TOM1L2: variants seen among roughly 807,000 people sequenced by gnomAD.
TOM1L2 encodes the protein target of myb1 like 2 membrane trafficking protein.
Under a neutral mutation model 67.9 loss-of-function variants are expected in TOM1L2, and 31 were observed. The observed-to-expected ratio is 0.46, with a 90% CI of 0.34 to 0.62. The LOEUF (loss-of-function observed/expected upper bound fraction) is 0.62. Among genes scored for constraint, TOM1L2 ranks in the 20% least tolerant of loss-of-function variants. The pLI, the probability that TOM1L2 is intolerant of heterozygous loss-of-function variation, is 0.01. For synonymous variants in TOM1L2, 256 were observed against 254.0 expected, an observed-to-expected ratio of 1.01 and a Z score of -0.07; for missense variants, 606 against 663.5, an observed-to-expected ratio of 0.91 and a Z score of 0.95.
intron 1 of TOM1L2, among the ~76,000 whole-genome samples, chr17:17,909,443 A>T (rs2039244065): frequency 6.6e-6 from 1 of 152,188 alleles, no homozygotes; most frequent in Non-Finnish European, 1.5e-5. Flanking sequence ...TATTGCATGC[A>T]CAATATGGCT....
chr17:17,927,615 G>T (rs929489034), intron 1 of TOM1L2, among the ~76,000 whole-genome samples: 1 of 151,956 alleles, frequency 6.6e-6, no homozygotes, highest in Admixed American at 6.6e-5. Context: ...ATGATATTAA[G>T]GATTATGATT....
At chr17:17,919,887 T>A (rs2039784832) in intron 1 of TOM1L2, among the ~76,000 whole-genome samples, 1 of 152,122 alleles carries the variant, frequency 6.6e-6, no homozygotes, top group Non-Finnish European at 1.5e-5. Context: ...AGGTTCTCTC[T>A]CTCTAATAGG....
chr17:17,870,294 C>T (rs544741493), intron 7 of TOM1L2, among the ~76,000 whole-genome samples: 1 of 152,296 alleles, frequency 6.6e-6, no homozygotes, highest in South Asian at 2.1e-4. Flanking sequence ...ACTTTATGGC[C>T]TGGCTTCCAT....
chr17:17,933,658 T>A lies in TOM1L2; in HGVS notation c.53-26127A>T, dbSNP rs2040415424. Among the ~76,000 whole-genome samples, 4 of 152,152 alleles carry A rather than the reference T, an allele frequency of 2.6e-5. No individual in the cohort carries two copies. In the South Asian group the frequency reaches 8.3e-4, roughly 32 times the overall value. On this transcript the variant is annotated intron_variant, in intron 1 of 14. Coordinates refer to ENST00000379504, the MANE Select transcript of TOM1L2 (RefSeq NM_001082968.2). ...CTTATGCAGAGGTCTAGATCTGGCT[T>A]TAAAATGTTTAGCCTGGTGGAGCCA... is the stretch of plus-strand genomic sequence containing the variant.
chr17:17,944,999 G>A (rs780839066), intron 1 of TOM1L2, among the ~76,000 whole-genome samples: 14 of 152,116 alleles, frequency 9.2e-5, no homozygotes, highest in Admixed American at 3.3e-4. Context: ...CACTGCCGCC[G>A]CCACACTAAT....
intron 1 of TOM1L2, among the ~76,000 whole-genome samples, chr17:17,909,322 C>T (rs2039238473): frequency 6.6e-6 from 1 of 151,966 alleles, no homozygotes; most frequent in East Asian, 1.9e-4. Context: ...CAGCAATAGT[C>T]ACAAGAGCCA....
At chr17:17,856,976 G>A (rs1203289377) in intron 12 of TOM1L2, among the ~76,000 whole-genome samples, 3 of 152,102 alleles carry the variant, frequency 2.0e-5, no homozygotes, top group Admixed American at 6.5e-5. Context: ...ATTTTTTTGA[G>A]AGGGAGTCTC....
At chr17:17,966,456 G>A (rs2041874980) in intron 1 of TOM1L2, among the ~76,000 whole-genome samples, 4 of 152,190 alleles carry the variant, frequency 2.6e-5, no homozygotes, top group African/African-American at 7.2e-5. Context: ...TACAGTTCTC[G>A]AAGTGAACCA....
chr17:17,866,542 A>G (rs1728844912), intron 9 of TOM1L2, 123 bp from the exon 10 acceptor site: 2 of 1,304,526 alleles, frequency 1.5e-6, no homozygotes, highest in Non-Finnish European at 2.0e-6. Flanking sequence ...CTAGTACAGA[A>G]GCAAGGCCAC....
At chr17:17,872,284 C>T (rs1254132875) in intron 7 of TOM1L2, among the ~76,000 whole-genome samples, 2 of 152,212 alleles carry the variant, frequency 1.3e-5, no homozygotes, top group African/African-American at 4.8e-5. Context: ...ACATAGATCA[C>T]GTGAAGGATT....
At chr17:17,947,894 T>C (rs1804680078) in intron 1 of TOM1L2, among the ~76,000 whole-genome samples, 1 of 152,224 alleles carries the variant, frequency 6.6e-6, no homozygotes, top group Non-Finnish European at 1.5e-5. Flanking sequence ...AGAAAAATCT[T>C]TGTTCTATTT....
At chr17:17,848,698 T>C in intron 14 of TOM1L2, 125 bp downstream of exon 14, 1 of 1,053,524 alleles carries the variant, frequency 9.5e-7, no homozygotes. Context: ...GTGAAGCCCA[T>C]GGCTCAGGGC....
chr17:17,889,339 C>T (rs967149953), intron 4 of TOM1L2, among the ~76,000 whole-genome samples: 7 of 152,164 alleles, frequency 4.6e-5, no homozygotes, highest in African/African-American at 1.2e-4. Flanking sequence ...ACCATGCCTG[C>T]GAATGGCACT....
At chr17:17,900,014 C>G (rs562533745) in intron 2 of TOM1L2, among the ~76,000 whole-genome samples, 10 of 152,248 alleles carry the variant, frequency 6.6e-5, no homozygotes, top group African/African-American at 2.4e-4. Context: ...GAGTTTGAGA[C>G]CAGCCTGGCC....
At chr17:17,903,534 A>AGAATGG (rs1295089844) in intron 2 of TOM1L2, among the ~76,000 whole-genome samples, 2 of 147,934 alleles carry the variant, frequency 1.4e-5, no homozygotes, top group Admixed American at 1.4e-4. Flanking sequence ...AATGGCATGA[A>AGAATGG]CCCGGGAGGC....
chr17:17,884,401 G>A (rs575968457), intron 5 of TOM1L2, among the ~76,000 whole-genome samples: 1 of 152,248 alleles, frequency 6.6e-6, no homozygotes, highest in East Asian at 1.9e-4. Context: ...TGAAAACCCT[G>A]AACTGATCCC....
chr17:17,899,249 A>G (rs1484882515), intron 2 of TOM1L2, among the ~76,000 whole-genome samples: 3 of 152,246 alleles, frequency 2.0e-5, no homozygotes, highest in Non-Finnish European at 2.9e-5. Context: ...GACACAGAAG[A>G]GAGCGTGCCA....
In TOM1L2 at chr17:17,861,541, C is replaced by G; in HGVS notation, c.1213G>C (p.Glu405Gln). 1 of 1,614,076 alleles carries G rather than the reference C, an allele frequency of 6.2e-7. No homozygotes were observed. ...LAEQRKTVTY[E>Q]DPQAVGGLAS... ...AGTCCTCCGACAGCCTGAGGATCCT[C>G]ATAGGTTACCCTGGAGATGAAGAAG... The change falls in exon 12 of 15, where the codon GAG becomes CAG. Residue 405 changes from glutamate (E) to glutamine (Q), a missense_variant. By Grantham distance (29) the Glu-to-Gln change is conservative. Coordinates refer to ENST00000379504, the MANE Select transcript of TOM1L2 (RefSeq NM_001082968.2).
intron 1 of TOM1L2, among the ~76,000 whole-genome samples, chr17:17,918,540 G>C (rs1171850780): frequency 6.6e-6 from 1 of 152,110 alleles, no homozygotes; most frequent in South Asian, 2.1e-4. Context: ...TTGCAAGAGG[G>C]TGAAAACAGG....
Sources: allele counts gnomAD v4.1 joint callset (sites outside exome capture counted in the v4.1 genomes callset), GRCh38; gene constraint gnomAD v4.1.1; transcripts MANE v1.5; gene names NCBI Gene and HGNC (gene_info 2026-07-23, HGNC 2026-07-21).